NBEA: variants seen among roughly 807,000 people sequenced by gnomAD.
NBEA encodes neurobeachin, also known as lysosomal-trafficking regulator 2.
A neutral mutation model predicts 343.4 loss-of-function variants in NBEA; 44 were observed. That is an observed-to-expected ratio of 0.13 (90% confidence interval 0.10 to 0.16). The LOEUF (loss-of-function observed/expected upper bound fraction) is 0.16, where lower values mean the gene tolerates loss of function less well. Ranked by LOEUF, NBEA falls within the 10% of genes least tolerant of loss-of-function variation. NBEA has a pLI of 1.00. For missense variants in NBEA, 2,555 were observed against 3,631.3 expected (o/e 0.70, Z 7.62); for synonymous variants, 1,175 against 1,238.7 (o/e 0.95, Z 1.08).
intron 1 of NBEA, among the ~76,000 whole-genome samples, chr13:35,014,327 A>T (rs1040881579): frequency 6.6e-6 from 1 of 151,792 alleles, no homozygotes; most frequent in Non-Finnish European, 1.5e-5. Context: ...GTCTTAAAAC[A>T]TTTTTTTTGT....
intron 20 of NBEA, 111 bp from the exon 21 acceptor site, chr13:35,156,967 C>A: frequency 1.2e-6 from 1 of 840,988 alleles, no homozygotes; most frequent in Non-Finnish European, 1.7e-6. Context: ...GTACACCTTG[C>A]TTTACTGAGG....
At chr13:35,554,303 C>T (rs2079480800) in intron 43 of NBEA, among the ~76,000 whole-genome samples, 1 of 152,190 alleles carries the variant, frequency 6.6e-6, no homozygotes, top group South Asian at 2.1e-4. Context: ...CTCTGTCAAT[C>T]AGTTTAAAAA....
At chr13:35,474,579 A>G (rs1268605026) in intron 41 of NBEA, 1 of 153,392 alleles carries the variant, frequency 6.5e-6, no homozygotes, top group African/African-American at 2.4e-5. Flanking sequence ...CAAATCACAA[A>G]ACACCAACAT....
chr13:35,233,225 G>A (rs2075067333), intron 34 of NBEA, among the ~76,000 whole-genome samples: 1 of 152,126 alleles, frequency 6.6e-6, no homozygotes, highest in Non-Finnish European at 1.5e-5. Context: ...GCTTCAGAAA[G>A]AATTAGATAA....
intron 34 of NBEA, among the ~76,000 whole-genome samples, chr13:35,276,284 C>G (rs569142618): frequency 6.6e-6 from 1 of 151,670 alleles, no homozygotes; most frequent in African/African-American, 2.4e-5. Context: ...TTTTTAAATG[C>G]GAACCAGGAA....
At chr13:35,220,026 G>T (rs962400678) in intron 33 of NBEA, among the ~76,000 whole-genome samples, 1 of 152,134 alleles carries the variant, frequency 6.6e-6, no homozygotes, top group Admixed American at 6.6e-5. Context: ...TCATGCTGAT[G>T]CTGCTGGTCC....
intron 36 of NBEA, among the ~76,000 whole-genome samples, chr13:35,325,718 T>A (rs2038510455): frequency 6.6e-6 from 1 of 152,074 alleles, no homozygotes; most frequent in African/African-American, 2.4e-5. Context: ...TTATCATAAA[T>A]TTTTTCCCAA....
chr13:35,189,107 C>G (rs572674736), intron 30 of NBEA, among the ~76,000 whole-genome samples: 1 of 151,628 alleles, frequency 6.6e-6, no homozygotes, highest in Non-Finnish European at 1.5e-5. Context: ...TTAGTAGAGA[C>G]GAGGTTTCAC....
chr13:35,147,282 C>G (rs972158032), intron 18 of NBEA, among the ~76,000 whole-genome samples: 6 of 152,228 alleles, frequency 3.9e-5, no homozygotes, highest in Admixed American at 3.3e-4. Flanking sequence ...TGCTTTTCTT[C>G]AGGGGTGCAA....
At position 35,645,115 on chromosome 13, in the gene NBEA, A is replaced by G. The variant is rs1298579057; in HGVS notation, c.7618-754A>G. 3.3e-5 allele frequency among the ~76,000 whole-genome samples: 5 copies of G among 152,226 alleles called. No homozygotes were observed. In the East Asian group the frequency reaches 9.6e-4, roughly 29 times the overall value. ...GGAGGACAGATTTTTAAATTTAAGT[A>G]CTTTATAAATTAGAATTGTAGATAG... On this transcript the variant is annotated intron_variant, in intron 49 of 58. Coordinates refer to ENST00000379939, the MANE Select transcript of NBEA (RefSeq NM_001385012.1).
At chr13:35,088,727 C>G (rs1348206065) in intron 10 of NBEA, among the ~76,000 whole-genome samples, 1 of 151,570 alleles carries the variant, frequency 6.6e-6, no homozygotes, top group African/African-American at 2.4e-5. Context: ...ATCAATGGAA[C>G]AGAACAGAGC....
chr13:35,321,633 G>C (rs1340340269), intron 36 of NBEA, among the ~76,000 whole-genome samples: 1 of 151,880 alleles, frequency 6.6e-6, no homozygotes, highest in African/African-American at 2.4e-5. Context: ...TGTGCTTGGA[G>C]ATCTGCTGCT....
chr13:35,168,890 TTG>T (rs1437052781), intron 24 of NBEA, 95 bp from the exon 25 acceptor site: 2 of 816,868 alleles, frequency 2.4e-6, no homozygotes, highest in Non-Finnish European at 3.5e-6. Context: ...ATATATTATT[TTG>T]TGTTTCAATT....
At chr13:35,353,024 T>C (rs1242182723) in intron 38 of NBEA, among the ~76,000 whole-genome samples, 1 of 152,174 alleles carries the variant, frequency 6.6e-6, no homozygotes, top group Non-Finnish European at 1.5e-5. Flanking sequence ...TATATTATGT[T>C]TTTTGACCCC....
At chr13:35,312,835 T>G (rs1325727520) in intron 36 of NBEA, among the ~76,000 whole-genome samples, 1 of 152,236 alleles carries the variant, frequency 6.6e-6, no homozygotes, top group Non-Finnish European at 1.5e-5. Context: ...TTCACTTGGC[T>G]AGGAGAGTAC....
intron 38 of NBEA, among the ~76,000 whole-genome samples, chr13:35,367,045 C>G (rs2041158568): frequency 6.6e-6 from 1 of 151,188 alleles, no homozygotes. Flanking sequence ...ATATTTTGTA[C>G]TTTGCATGAT....
At chr13:34,957,986 T>C (rs2059552145) in intron 1 of NBEA, among the ~76,000 whole-genome samples, 1 of 152,120 alleles carries the variant, frequency 6.6e-6, no homozygotes, top group Non-Finnish European at 1.5e-5. Flanking sequence ...CTTTTGAGAA[T>C]TGAGTGTTCT....
intron 48 of NBEA, among the ~76,000 whole-genome samples, chr13:35,610,255 G>T (rs985310780): frequency 1.3e-5 from 2 of 152,052 alleles, no homozygotes; most frequent in African/African-American, 4.8e-5. Flanking sequence ...AGTCAGGTGT[G>T]GTGACACAGT....
chr13:35,070,345 A>G (rs1320373063), intron 9 of NBEA, among the ~76,000 whole-genome samples: 1 of 152,102 alleles, frequency 6.6e-6, no homozygotes, highest in Non-Finnish European at 1.5e-5. Flanking sequence ...AGCCTTTGAA[A>G]TTAAATCAAT....
Sources: allele counts gnomAD v4.1 joint callset (sites outside exome capture counted in the v4.1 genomes callset), GRCh38; gene constraint gnomAD v4.1.1; transcripts MANE v1.5; gene names NCBI Gene and HGNC (gene_info 2026-07-23, HGNC 2026-07-21).